Variants in ARHGEF10L observed in about 807,000 individuals in gnomAD.
ARHGEF10L encodes Rho guanine nucleotide exchange factor 10 like.
In ARHGEF10L, 69 loss-of-function variants were observed where a neutral mutation model predicts 141.2. The ratio of observed to expected loss-of-function variants is 0.49; its 90% confidence interval spans 0.40 to 0.60. The LOEUF (loss-of-function observed/expected upper bound fraction) is 0.60. ARHGEF10L is among the 20% of genes least tolerant of loss of function. The probability of loss-of-function intolerance (pLI) is 0.00; values close to 1 mark genes in which losing one functional copy is unlikely to be tolerated. For missense variants in ARHGEF10L, 1,482 were observed against 1,734.3 expected (o/e 0.85, Z 2.58); for synonymous variants, 711 against 718.5 (o/e 0.99, Z 0.17).
chr1:17,606,958 GT>G (rs1472162930), intron 6 of ARHGEF10L, among the ~76,000 whole-genome samples: 1 of 152,306 alleles, frequency 6.6e-6, no homozygotes, highest in East Asian at 1.9e-4. Flanking sequence ...TTGTCCCCAA[GT>G]TTTCAGTCCA....
intron 15 of ARHGEF10L, among the ~76,000 whole-genome samples, chr1:17,628,802 C>T (rs12117763): frequency 0.11 from 16,516 of 152,176 alleles, 1,106 homozygotes; most frequent in Admixed American, 0.18. Flanking sequence ...GAGAGTGGCC[C>T]TTTCCATGTG....
intron 4 of ARHGEF10L, among the ~76,000 whole-genome samples, chr1:17,589,361 G>A (rs1377313759): frequency 6.6e-6 from 1 of 152,212 alleles, no homozygotes. Context: ...CCTAAGCAGT[G>A]GAGGGGTCTA....
At chr1:17,651,360 G>A (rs995312304) in intron 22 of ARHGEF10L, among the ~76,000 whole-genome samples, 6 of 152,214 alleles carry the variant, frequency 3.9e-5, no homozygotes, top group African/African-American at 1.4e-4. Flanking sequence ...GGGGCCTTGG[G>A]CTGGAGGCAG....
intron 1 of ARHGEF10L, among the ~76,000 whole-genome samples, chr1:17,557,862 T>C (rs17427202): frequency 0.1 from 15,897 of 152,142 alleles, 973 homozygotes; most frequent in Middle Eastern, 0.18. Context: ...AGCAAGGAAA[T>C]GGTTGGGTCA....
chr1:17,688,803 C>T (rs999454916), intron 27 of ARHGEF10L, among the ~76,000 whole-genome samples: 11 of 152,148 alleles, frequency 7.2e-5, no homozygotes, highest in African/African-American at 2.7e-4. Flanking sequence ...CCTCTGCCTA[C>T]CCCAGGGGCC....
chr1:17,684,843 C>G (rs922918166), intron 26 of ARHGEF10L, among the ~76,000 whole-genome samples: 2 of 152,156 alleles, frequency 1.3e-5, no homozygotes, highest in African/African-American at 4.8e-5. Flanking sequence ...CCTCCCCTCC[C>G]CTCCTCTGGG....
chr1:17,549,916 G>T (rs1339425018), intron 1 of ARHGEF10L, among the ~76,000 whole-genome samples: 1 of 152,130 alleles, frequency 6.6e-6, no homozygotes, highest in Non-Finnish European at 1.5e-5. Flanking sequence ...GAAGTTTTAC[G>T]CTCCAATAAC....
chr1:17,675,735 C>T (rs2063625866), intron 26 of ARHGEF10L, among the ~76,000 whole-genome samples: 1 of 135,548 alleles, frequency 7.4e-6, no homozygotes, highest in East Asian at 2.4e-4. Context: ...GGTGTGGGTG[C>T]AGGTGTGTTC....
intron 8 of ARHGEF10L, among the ~76,000 whole-genome samples, chr1:17,613,655 G>A (rs1242546661): frequency 1.3e-5 from 2 of 152,358 alleles, no homozygotes; most frequent in South Asian, 2.1e-4. Flanking sequence ...ACTATTCAGA[G>A]GAATCCAGGA....
chr1:17,543,717 A>G (rs575191294), intron 1 of ARHGEF10L, among the ~76,000 whole-genome samples: 11 of 151,784 alleles, frequency 7.2e-5, no homozygotes, highest in Non-Finnish European at 1.6e-4. Context: ...GTACAATCTT[A>G]GCTCACTGCA....
Position 17,639,238 on chromosome 1 carries a change from A to G in ARHGEF10L, c.2171+549A>G, listed in dbSNP as rs2061190677. Among the ~76,000 whole-genome samples the G allele has an allele frequency of 1.3e-5, 2 of 152,168 alleles. No homozygotes were observed. The highest frequency in any genetic ancestry group is 1.3e-4 in the Admixed American group (2 of 15,274). Reference sequence around the variant, plus strand: ...GGGTCTTTTTATTTCCATTTTACAGATGAGGAAGGTGAGGCTCAGAGTTTC... The same window carrying G: ...GGGTCTTTTTATTTCCATTTTACAGGTGAGGAAGGTGAGGCTCAGAGTTTC... On this transcript the variant is annotated intron_variant, in intron 20 of 28. Coordinates refer to ENST00000361221, the MANE Select transcript of ARHGEF10L (RefSeq NM_018125.4). The surrounding 1 kb of genome is among the most constrained non-coding windows in gnomAD (Gnocchi z 4.3).
chr1:17,664,318 A>C, intron 25 of ARHGEF10L, 129 bp from the exon 26 acceptor site: 1 of 1,054,164 alleles, frequency 9.5e-7, no homozygotes, highest in South Asian at 1.7e-5. Context: ...GCTGATGGAG[A>C]GAGAAAGGCC....
chr1:17,541,286 T>C (rs2076719403), intron 1 of ARHGEF10L, among the ~76,000 whole-genome samples: 1 of 152,132 alleles, frequency 6.6e-6, no homozygotes, highest in African/African-American at 2.4e-5. Context: ...GCCACAGTGC[T>C]CTGAGGGTTC....
At chr1:17,638,775 C>T in intron 20 of ARHGEF10L, 86 bp downstream of exon 20, 1 of 1,566,898 alleles carries the variant, frequency 6.4e-7, no homozygotes, top group Non-Finnish European at 8.6e-7. Flanking sequence ...TACCTGGAGC[C>T]CTCTTATTTG....
Position 17,637,009 on chromosome 1 carries a change from T to A in ARHGEF10L, c.1928-879T>A, listed in dbSNP as rs146078117. Among the ~76,000 whole-genome samples the A allele has an allele frequency of 2.0e-5, 3 of 152,172 alleles. No individual in the cohort carries two copies. In the East Asian group the frequency reaches 5.8e-4, roughly 30 times the overall value. The stretch of plus-strand genomic sequence containing the variant: ...TCCATCTGTATCATCACTGGTGATC[T>A]GGGCCCCCTCACCCCATCACTGTCC... On this transcript the variant is annotated intron_variant, in intron 18 of 28. Coordinates refer to ENST00000361221, the MANE Select transcript of ARHGEF10L (RefSeq NM_018125.4).
intron 26 of ARHGEF10L, among the ~76,000 whole-genome samples, chr1:17,672,914 T>A (rs997387015): frequency 6.6e-6 from 1 of 152,046 alleles, no homozygotes; most frequent in Non-Finnish European, 1.5e-5. Context: ...GCATGTCTTG[T>A]GGGGCAGTAG....
chr1:17,589,146 A>C (rs2100686719), intron 4 of ARHGEF10L, among the ~76,000 whole-genome samples: 1 of 152,190 alleles, frequency 6.6e-6, no homozygotes, highest in Non-Finnish European at 1.5e-5. Context: ...CATGTCAGTC[A>C]AGTCCCCCTT....
chr1:17,667,114 G>A (rs959628120), intron 26 of ARHGEF10L, among the ~76,000 whole-genome samples: 1 of 152,238 alleles, frequency 6.6e-6, no homozygotes, highest in Non-Finnish European at 1.5e-5. Context: ...CACAGCGTCT[G>A]ACTCAGCCCA....
At chr1:17,587,687 A>G (rs2079142428) in intron 3 of ARHGEF10L, 42 bp downstream of exon 3, 2 of 1,563,764 alleles carry the variant, frequency 1.3e-6, no homozygotes, top group Non-Finnish European at 1.7e-6. Context: ...GGCTACAGGG[A>G]GCATGGAGAA....
Sources: gnomAD v4.1 joint callset for allele counts (sites outside exome capture counted in the v4.1 genomes callset) on GRCh38, gnomAD v4.1.1 for gene constraint, Gnocchi (gnomAD v3.1) non-coding constraint, MANE v1.5 for transcripts, NCBI Gene and HGNC (gene_info 2026-07-23, HGNC 2026-07-21) for gene names.